The following RAP1GDS1 variants were observed in gnomAD, a reference collection of about 807,000 sequenced individuals.
RAP1GDS1 encodes the protein Rap1 GTPase-GDP dissociation stimulator 1.
Under a neutral mutation model 71.1 loss-of-function variants are expected in RAP1GDS1, and 35 were observed. The observed-to-expected ratio is 0.49, with a 90% confidence interval of 0.38 to 0.65. RAP1GDS1 has a LOEUF of 0.65. Ranked by LOEUF, RAP1GDS1 falls within the 30% of genes least tolerant of loss-of-function variation. The probability of loss-of-function intolerance (pLI) is 0.00; values close to 1 mark genes in which losing one functional copy is unlikely to be tolerated. For synonymous variants in RAP1GDS1, 229 were observed against 243.1 expected, an observed-to-expected ratio of 0.94 and a Z score of 0.54; for missense variants, 663 against 706.1, an observed-to-expected ratio of 0.94 and a Z score of 0.69.
chr4:98,397,960 G>A (rs1744795275), intron 6 of RAP1GDS1, among the ~76,000 whole-genome samples: 1 of 152,050 alleles, frequency 6.6e-6, no homozygotes, highest in Non-Finnish European at 1.5e-5. Context: ...TCTACAAAAG[G>A]CCAGCAGATG....
intron 12 of RAP1GDS1, among the ~76,000 whole-genome samples, chr4:98,424,885 A>T (rs1206980531): frequency 6.6e-6 from 1 of 152,250 alleles, no homozygotes; most frequent in African/African-American, 2.4e-5. Context: ...AAGCTCAAAG[A>T]ATACCTGGGA....
intron 2 of RAP1GDS1, among the ~76,000 whole-genome samples, chr4:98,336,901 T>C (rs1734786188): frequency 6.6e-6 from 1 of 152,142 alleles, no homozygotes; most frequent in Non-Finnish European, 1.5e-5. Flanking sequence ...TGTTTTGTTT[T>C]TGTTTTTTCT....
rs538208218 is a variant in RAP1GDS1 at position 98,311,519 on chromosome 4, G to T, written c.112+18004G>T. Reference sequence around the variant, plus strand: ...GGAAAAATCTTACATACCTATGAAGGTCCCATCGTGTGTGACATTGGAGAG... The same window carrying T: ...GGAAAAATCTTACATACCTATGAAGTTCCCATCGTGTGTGACATTGGAGAG... On this transcript the variant is annotated intron_variant, in intron 2 of 14. Coordinates refer to ENST00000408927, the MANE Select transcript of RAP1GDS1 (RefSeq NM_001100427.2). 1.9e-4 allele frequency among the ~76,000 whole-genome samples: 29 copies of T among 152,234 alleles called. No homozygotes were observed. In the South Asian group the frequency reaches 5.2e-3, roughly 27 times the overall value.
intron 4 of RAP1GDS1, among the ~76,000 whole-genome samples, chr4:98,364,944 G>A (rs1739258691): frequency 1.3e-5 from 2 of 151,956 alleles, no homozygotes; most frequent in African/African-American, 4.8e-5. Flanking sequence ...CTTGAGCCCA[G>A]AAAGTCAAGG....
chr4:98,349,872 A>T (rs1736900096), intron 3 of RAP1GDS1, among the ~76,000 whole-genome samples: 1 of 152,112 alleles, frequency 6.6e-6, no homozygotes, highest in Admixed American at 6.5e-5. Context: ...AAGCATGATA[A>T]CTTTATGTCT....
intron 1 of RAP1GDS1, among the ~76,000 whole-genome samples, chr4:98,287,185 A>G (rs1387397834): frequency 6.6e-6 from 1 of 152,172 alleles, no homozygotes; most frequent in East Asian, 1.9e-4. Flanking sequence ...TTTCAATCTA[A>G]TAGTAGAACT....
At chr4:98,432,843 C>T (rs1284439863) in intron 12 of RAP1GDS1, among the ~76,000 whole-genome samples, 1 of 151,910 alleles carries the variant, frequency 6.6e-6, no homozygotes, top group Admixed American at 6.6e-5. Flanking sequence ...TCTAAGACAA[C>T]GGAACCCTTG....
chr4:98,320,120 T>C (rs1328161221), intron 2 of RAP1GDS1, among the ~76,000 whole-genome samples: 5 of 152,332 alleles, frequency 3.3e-5, no homozygotes, highest in South Asian at 4.1e-4. Context: ...GTAATACATA[T>C]AACATACTGA....
At chr4:98,328,541 G>C (rs116444038) in intron 2 of RAP1GDS1, among the ~76,000 whole-genome samples, 2,253 of 152,188 alleles carry the variant, frequency 0.015, 49 homozygotes, top group African/African-American at 0.051. Flanking sequence ...AGTTTATAAA[G>C]CTTTAGGAAA....
At chr4:98,419,975 G>A (rs1748577922) in intron 10 of RAP1GDS1, 44 bp from the exon 11 acceptor site, 2 of 1,504,106 alleles carry the variant, frequency 1.3e-6, no homozygotes, top group African/African-American at 1.4e-5. Flanking sequence ...TTTATCAACA[G>A]GAATGCTAAT....
intron 7 of RAP1GDS1, chr4:98,409,734 G>C: frequency 2.1e-6 from 1 of 474,568 alleles, no homozygotes; most frequent in Non-Finnish European, 4.3e-6. Flanking sequence ...TGAGCTGCTG[G>C]AACCTCTTCC....
intron 1 of RAP1GDS1, among the ~76,000 whole-genome samples, chr4:98,287,248 T>C (rs936731274): frequency 5.9e-5 from 9 of 152,088 alleles, no homozygotes; most frequent in African/African-American, 2.2e-4. Flanking sequence ...AAATGAAAAA[T>C]ACAGAAAAAA....
At chr4:98,377,628 T>TTGTGTGTGTGTG (rs58691883) in intron 4 of RAP1GDS1, among the ~76,000 whole-genome samples, 7,198 of 149,330 alleles carry the variant, frequency 0.048, 418 homozygotes, top group African/African-American at 0.14. Flanking sequence ...TACTATATAA[T>TTGTGTGTGTGTG]TGTGTGTGTG....
At chr4:98,282,298 G>C (rs1210568882) in intron 1 of RAP1GDS1, among the ~76,000 whole-genome samples, 1 of 152,086 alleles carries the variant, frequency 6.6e-6, no homozygotes, top group Non-Finnish European at 1.5e-5. Context: ...CCTGTTATTG[G>C]TCTATTCAGA....
In RAP1GDS1 at chr4:98,433,936, G is replaced by T. The variant is rs1156620243; in HGVS notation, c.1441G>T (p.Asp481Tyr). The T allele has an allele frequency of 2.5e-6, 4 of 1,600,308 alleles. No homozygotes were observed. Reference protein sequence around the residue: ...SALIRHSKSKDVIKTIVQSGG... With the variant: ...SALIRHSKSKYVIKTIVQSGG... Reference sequence around the variant, plus strand: ...AATTCTCTGATATTATTTATTGTAGGATGTAATTAAAACCATTGTGCAGAG... The same window carrying T: ...AATTCTCTGATATTATTTATTGTAGTATGTAATTAAAACCATTGTGCAGAG... The change falls in exon 13 of 15, where the codon GAT becomes TAT. Residue 481 changes from aspartate to tyrosine, a missense_variant and splice_region_variant. Coordinates refer to ENST00000408927, the MANE Select transcript of RAP1GDS1 (RefSeq NM_001100427.2).
At chr4:98,369,802 A>G (rs1740080379) in intron 4 of RAP1GDS1, among the ~76,000 whole-genome samples, 1 of 152,214 alleles carries the variant, frequency 6.6e-6, no homozygotes, top group African/African-American at 2.4e-5. Context: ...GTCAGCACTC[A>G]TCAGTTAAAC....
At chr4:98,317,553 A>C (rs1731119162) in intron 2 of RAP1GDS1, among the ~76,000 whole-genome samples, 1 of 152,170 alleles carries the variant, frequency 6.6e-6, no homozygotes, top group Non-Finnish European at 1.5e-5. Context: ...AAGCACGAGA[A>C]CTAAATGCAG....
chr4:98,370,708 C>A (rs1740246011), intron 4 of RAP1GDS1, among the ~76,000 whole-genome samples: 1 of 151,504 alleles, frequency 6.6e-6, no homozygotes, highest in Non-Finnish European at 1.5e-5. Flanking sequence ...GTAGCTGGGA[C>A]TACAGGCGCG....
intron 2 of RAP1GDS1, among the ~76,000 whole-genome samples, chr4:98,309,018 A>G (rs994946512): frequency 1.3e-5 from 2 of 152,076 alleles, no homozygotes; most frequent in African/African-American, 2.4e-5. Flanking sequence ...ATTTGTTTAT[A>G]TTATTCAGCC....
Sources: gnomAD v4.1 joint callset for allele counts (sites outside exome capture counted in the v4.1 genomes callset) on GRCh38, gnomAD v4.1.1 for gene constraint, MANE v1.5 for transcripts, NCBI Gene and HGNC (gene_info 2026-07-23, HGNC 2026-07-21) for gene names.